SNCAIP: variants seen among roughly 807,000 people sequenced by gnomAD.
SNCAIP encodes the protein synuclein alpha interacting protein.
Under a neutral mutation model 86.7 loss-of-function variants are expected in SNCAIP, and 43 were observed. The ratio of observed to expected loss-of-function variants is 0.50; its 90% CI spans 0.39 to 0.64. SNCAIP has a LOEUF of 0.64. Among genes scored for constraint, SNCAIP ranks in the 30% least tolerant of loss-of-function variants. The pLI is 0.00. For synonymous variants in SNCAIP, 417 were observed against 427.2 expected (o/e 0.98, Z 0.29); for missense variants, 981 against 1,103.1 (o/e 0.89, Z 1.57).
chr5:122,462,073 G>C (rs1218997955), intron 10 of SNCAIP, among the ~76,000 whole-genome samples: 13 of 152,162 alleles, frequency 8.5e-5, no homozygotes, highest in Admixed American at 3.9e-4. Flanking sequence ...TGTACACACA[G>C]TTTTGTTTCT....
At chr5:122,355,352 T>C (rs1760783831) in intron 1 of SNCAIP, among the ~76,000 whole-genome samples, 1 of 152,118 alleles carries the variant, frequency 6.6e-6, no homozygotes, top group South Asian at 2.1e-4. Context: ...TAAAATATGG[T>C]AATATAAGAT....
chr5:122,381,431 G>T (rs1766776297), intron 1 of SNCAIP, among the ~76,000 whole-genome samples: 1 of 145,650 alleles, frequency 6.9e-6, no homozygotes, highest in African/African-American at 2.6e-5. Context: ...GAGCCTATGT[G>T]TGTCTCTGCA....
rs1011302235 is a variant in SNCAIP, at chr5:122,381,121, G to C, written c.-46-9968G>C. 2.1e-4 allele frequency among the ~76,000 whole-genome samples: 31 copies of C among 144,878 alleles called. 1 individual carries two copies. The South Asian group carries it at 7.1e-3, about 33-fold the overall frequency. On this transcript the variant is annotated intron_variant, in intron 1 of 10. Transcript: ENST00000261368. ...TGTTGACTTTCTGTCTCGTTGATCT[G>C]TCTAATGTTGACAGTGGGGTGTTAA...
chr5:122,365,399 C>T (rs1762978835), intron 1 of SNCAIP, among the ~76,000 whole-genome samples: 1 of 152,190 alleles, frequency 6.6e-6, no homozygotes, highest in Non-Finnish European at 1.5e-5. Flanking sequence ...ATCCCTCTGG[C>T]CAGGCGTGGT....
At chr5:122,336,238 G>T (rs567652568) in intron 1 of SNCAIP, among the ~76,000 whole-genome samples, 4 of 152,276 alleles carry the variant, frequency 2.6e-5, no homozygotes, top group African/African-American at 9.6e-5. Context: ...GACACTTTCA[G>T]TCTTATGTAC....
At chr5:122,432,137 T>A (rs1778536559) in intron 6 of SNCAIP, 55 bp downstream of exon 6, 3 of 785,980 alleles carry the variant, frequency 3.8e-6, no homozygotes, top group Non-Finnish European at 6.9e-6. Context: ...ATCTTCCTAC[T>A]TTTTTATTAT....
intron 1 of SNCAIP, among the ~76,000 whole-genome samples, chr5:122,378,941 G>C (rs1444573912): frequency 7.1e-6 from 1 of 141,782 alleles, no homozygotes; most frequent in Admixed American, 6.9e-5. Context: ...TGGTACTGTA[G>C]CCTTGTAGTA....
intron 6 of SNCAIP, among the ~76,000 whole-genome samples, chr5:122,438,490 T>C (rs1227830289): frequency 6.6e-6 from 1 of 152,220 alleles, no homozygotes. Context: ...ATCAGATAAA[T>C]AATTATCTTA....
intron 1 of SNCAIP, among the ~76,000 whole-genome samples, chr5:122,383,066 C>G (rs1208660803): frequency 6.6e-6 from 1 of 152,212 alleles, no homozygotes; most frequent in South Asian, 2.1e-4. Flanking sequence ...GTGGTGGGCT[C>G]CACCCAGTTG....
At chr5:122,434,402 C>A (rs920787015) in intron 6 of SNCAIP, among the ~76,000 whole-genome samples, 1 of 152,080 alleles carries the variant, frequency 6.6e-6, no homozygotes, top group Non-Finnish European at 1.5e-5. Flanking sequence ...GCTCTCACAG[C>A]AGGTTTCTCA....
At chr5:122,410,126 ATT>A (rs1342065990) in intron 3 of SNCAIP, among the ~76,000 whole-genome samples, 1 of 152,206 alleles carries the variant, frequency 6.6e-6, no homozygotes, top group Admixed American at 6.5e-5. Flanking sequence ...TAAAACAATT[ATT>A]TTTATTGTTT....
chr5:122,376,263 G>A (rs945594154), intron 1 of SNCAIP, among the ~76,000 whole-genome samples: 7 of 152,146 alleles, frequency 4.6e-5, no homozygotes, highest in African/African-American at 1.2e-4. Flanking sequence ...CTGCTGTTGT[G>A]TCTGCTTCTC....
At chr5:122,366,125 C>T (rs758754086) in intron 1 of SNCAIP, among the ~76,000 whole-genome samples, 25 of 152,094 alleles carry the variant, frequency 1.6e-4, no homozygotes, top group Non-Finnish European at 3.4e-4. Flanking sequence ...TTCGTTACTC[C>T]AATGCTGAAA....
rs78030521 is a variant in SNCAIP, at chr5:122,358,564, C to A, written c.-46-32525C>A. Among the ~76,000 whole-genome samples the A allele has an allele frequency of 1.2e-3, 175 of 152,086 alleles. 2 individuals are homozygous for A. The East Asian group carries it at 0.029, about 26-fold the overall frequency. ...TGGTCTCCTTTTAGCATGATAAGCC[C>A]TTTTCCTTCCTCTGTATCCACTGTG... On this transcript the variant is annotated intron_variant, in intron 1 of 10. Transcript: ENST00000261368.
chr5:122,314,182 G>A (rs982858821), intron 1 of SNCAIP, among the ~76,000 whole-genome samples: 4 of 152,310 alleles, frequency 2.6e-5, no homozygotes, highest in African/African-American at 7.2e-5. Flanking sequence ...AACTTTGTGC[G>A]TGCTATTGTT....
In SNCAIP at chr5:122,450,849, A is replaced by C. The variant is rs549223369; in HGVS notation, c.2002A>C (p.Arg668=). 2.5e-6 allele frequency: 4 copies of C among 1,614,132 alleles called. No homozygotes were observed. Among genetic ancestry groups the C allele is most frequent in the Non-Finnish European group, 3.4e-6 (4 of 1,180,010 alleles). Residue 668 remains arginine (R), a synonymous_variant, in exon 10 of 11, where the codon AGA becomes CGA. Transcript: ENST00000261368. ...GAGGGAACTGAAGTTAGCCAGGCTG[A>C]GACAGCTGATGCAGAGGTCACTGAG... ...EKRELKLARL[R]QLMQRSLSES... is the part of the protein sequence containing the mutation.
intron 1 of SNCAIP, among the ~76,000 whole-genome samples, chr5:122,355,952 C>T (rs1320020172): frequency 6.6e-6 from 1 of 152,052 alleles, no homozygotes; most frequent in East Asian, 1.9e-4. Context: ...TACCCCAACT[C>T]TCCTGTTAGA....
At chr5:122,432,138 T>TTCTAGG in intron 6 of SNCAIP, 56 bp downstream of exon 6, 1 of 786,460 alleles carries the variant, frequency 1.3e-6, no homozygotes, top group Non-Finnish European at 2.3e-6. Context: ...TCTTCCTACT[T>TTCTAGG]TTTTATTATT....
chr5:122,382,326 G>T (rs920423613), intron 1 of SNCAIP, among the ~76,000 whole-genome samples: 6 of 152,024 alleles, frequency 3.9e-5, no homozygotes, highest in Admixed American at 2.0e-4. Context: ...TCTTCCAGTT[G>T]ATCGCATTGG....
Sources: gnomAD v4.1 joint callset for allele counts (sites outside exome capture counted in the v4.1 genomes callset) on GRCh38, gnomAD v4.1.1 for gene constraint, MANE v1.5 for transcripts, NCBI Gene and HGNC (gene_info 2026-07-23, HGNC 2026-07-21) for gene names.